CLSTN1: variants seen among roughly 807,000 people sequenced by gnomAD.
CLSTN1 encodes calsyntenin-1.
Under a neutral mutation model 108.3 loss-of-function variants are expected in CLSTN1, and 28 were observed. The ratio of observed to expected loss-of-function variants is 0.26; its 90% CI spans 0.19 to 0.35. The LOEUF (loss-of-function observed/expected upper bound fraction) is 0.35. CLSTN1 is among the 10% of genes least tolerant of loss of function. The probability of loss-of-function intolerance (pLI) is 1.00; values close to 1 mark genes in which losing one functional copy is unlikely to be tolerated. For missense variants in CLSTN1, 1,157 were observed against 1,302.6 expected (o/e 0.89, Z 1.72); for synonymous variants, 524 against 534.9 (o/e 0.98, Z 0.28).
intron 1 of CLSTN1, among the ~76,000 whole-genome samples, chr1:9,809,780 A>G (rs1290962080): frequency 1.3e-5 from 2 of 151,710 alleles, no homozygotes; most frequent in Non-Finnish European, 1.5e-5. Flanking sequence ...GGGTGCCTAT[A>G]ATCCCAGCTA....
intron 1 of CLSTN1, among the ~76,000 whole-genome samples, chr1:9,789,991 A>G (rs1653687127): frequency 6.6e-6 from 1 of 151,438 alleles, no homozygotes; most frequent in Non-Finnish European, 1.5e-5. Flanking sequence ...AAAATAAAGT[A>G]AAATAAATAA....
At chr1:9,751,984 A>G (rs967435260) in intron 4 of CLSTN1, among the ~76,000 whole-genome samples, 1 of 152,076 alleles carries the variant, frequency 6.6e-6, no homozygotes, top group Non-Finnish European at 1.5e-5. Flanking sequence ...TTTTTTGACA[A>G]TATGGGACAA....
intron 3 of CLSTN1, among the ~76,000 whole-genome samples, 153 bp from the exon 4 acceptor site, chr1:9,755,462 T>C (rs1295891944): frequency 6.6e-6 from 1 of 152,154 alleles, no homozygotes; most frequent in African/African-American, 2.4e-5. Flanking sequence ...AGGGGCACTG[T>C]GTTTTAAACA....
chr1:9,807,227 C>G lies in CLSTN1; in HGVS notation c.91+16416G>C, dbSNP rs114549985. On this transcript the variant is annotated intron_variant, in intron 1 of 18. Transcript: ENST00000377298. ...CTTACATGACCGAGACCTCATTGACCTAACAGCACCTGTCCACGTCACACA... is the reference window on the plus strand; with the variant it reads ...CTTACATGACCGAGACCTCATTGACGTAACAGCACCTGTCCACGTCACACA... Among the ~76,000 whole-genome samples, 1,373 of 152,218 alleles carry G rather than the reference C, an allele frequency of 9.0e-3. 18 individuals carry two copies. Among genetic ancestry groups the G allele is most frequent in the African/African-American group, 0.03 (1,257 of 41,534 alleles).
rs368464789 is a variant in CLSTN1, at chr1:9,796,847, GAA to G, written c.92-23455_92-23454del. Among the ~76,000 whole-genome samples, 627 of 152,250 alleles carry G rather than the reference GAA, an allele frequency of 4.1e-3. 6 individuals carry two copies. The highest frequency in any genetic ancestry group is 0.031 in the Middle Eastern group (9 of 294). The stretch of plus-strand genomic sequence containing the variant: ...TCTGTTCAACCATTACATCAAATTT[GAA>G]AATAACACGAAGCCAGAATGAACAG... On this transcript the variant is annotated intron_variant, in intron 1 of 18. Coordinates refer to ENST00000377298, the MANE Select transcript of CLSTN1 (RefSeq NM_001009566.3).
intron 1 of CLSTN1, among the ~76,000 whole-genome samples, chr1:9,798,007 T>C (rs925344197): frequency 5.3e-5 from 8 of 151,494 alleles, no homozygotes; most frequent in Admixed American, 2.6e-4. Context: ...GGCAGGAGAA[T>C]TGCTTTAACC....
Position 9,737,501 on chromosome 1 carries a change from C to A in CLSTN1, c.1573G>T (p.Ala525Ser), listed in dbSNP as rs1305878640. Residue 525 changes from alanine (A) to serine (S), a missense_variant, in exon 11 of 19, where the codon GCA (alanine) becomes TCA (serine). Coordinates refer to ENST00000377298, the MANE Select transcript of CLSTN1 (RefSeq NM_001009566.3). ...TGTAGGGAAAAAATCCAGCAACCTG[C>A]AGAGGCCACAGTCACAGGCTCAGTT... is the stretch of plus-strand genomic sequence containing the variant. The part of the protein sequence containing the change: ...NETEPVTVAS[A>S]GGDLHMTQFF... 1.2e-6 allele frequency: 2 copies of A among 1,613,590 alleles called. No individual in the cohort carries two copies. Among genetic ancestry groups the A allele is most frequent in the South Asian group, 1.1e-5 (1 of 91,070 alleles).
rs1252537170 is a variant in CLSTN1, at chr1:9,755,221, G to A, written c.333C>T (p.Arg111=). 15 of 1,613,992 alleles carry A rather than the reference G, an allele frequency of 9.3e-6. No homozygotes were observed. Among genetic ancestry groups the A allele is most frequent in the Non-Finnish European group, 7.6e-6 (9 of 1,180,012 alleles). The stretch of plus-strand genomic sequence containing the variant: ...GCTCACAGTCCAGTTTCTCTTTGGA[G>A]CGAATGACTCCCTCACCAGTGGATT... ...VDKSTGEGVI[R]SKEKLDCELQ... Residue 111 remains arginine (R), a synonymous_variant, in exon 4 of 19, where the codon CGC becomes CGT. Transcript: ENST00000377298.
At chr1:9,781,446 C>CT (rs766133785) in intron 1 of CLSTN1, among the ~76,000 whole-genome samples, 1,690 of 143,736 alleles carry the variant, frequency 0.012, 22 homozygotes, top group Middle Eastern at 0.033. Flanking sequence ...ACATCTTATT[C>CT]TTTTTTTTTT....
chr1:9,758,395 C>A lies in CLSTN1; in HGVS notation c.215-1885G>T, dbSNP rs145831260. ...GTGGTAGCATCTCAGCTCACTGCAA[C>A]CTCCACTTTCTGGGTTCAAGCGATT... is the stretch of plus-strand genomic sequence containing the variant. On this transcript the variant is annotated intron_variant, in intron 2 of 18. Transcript: ENST00000377298. Among the ~76,000 whole-genome samples the A allele has an allele frequency of 4.2e-3, 635 of 152,180 alleles. 12 individuals are homozygous for A. In the East Asian group the frequency reaches 0.043, roughly 10 times the overall value.
At chr1:9,806,092 C>A (rs2101292831) in intron 1 of CLSTN1, among the ~76,000 whole-genome samples, 1 of 151,856 alleles carries the variant, frequency 6.6e-6, no homozygotes, top group South Asian at 2.1e-4. Flanking sequence ...GAGTTCAAGA[C>A]CAGCCTGGCC....
intron 1 of CLSTN1, among the ~76,000 whole-genome samples, chr1:9,778,545 G>A (rs977215164): frequency 3.9e-5 from 6 of 152,046 alleles, no homozygotes; most frequent in African/African-American, 7.2e-5. Flanking sequence ...GACAACGCAC[G>A]AAACCAACAG....
In CLSTN1 at chr1:9,773,408, A is replaced by T. The variant is rs1330708912; in HGVS notation, c.92-14T>A. On this transcript the variant is annotated splice_polypyrimidine_tract_variant and intron_variant, in intron 1 of 18. Transcript: ENST00000377298. Reference sequence around the variant, plus strand: ...TGTGCTTGTTAACTGTGTTTAAAACAAGAGAAAAAAATAGACAAGGTTAGA... The same window carrying T: ...TGTGCTTGTTAACTGTGTTTAAAACTAGAGAAAAAAATAGACAAGGTTAGA... The T allele has an allele frequency of 1.9e-6, 3 of 1,581,408 alleles. No homozygotes were observed. The South Asian group carries it at 3.4e-5, about 18-fold the overall frequency.
chr1:9,787,285 C>T (rs1369065735), intron 1 of CLSTN1, among the ~76,000 whole-genome samples: 1 of 151,204 alleles, frequency 6.6e-6, no homozygotes, highest in Non-Finnish European at 1.5e-5. Flanking sequence ...TAAAACAGCC[C>T]CTGCCCTCTC....
Position 9,735,968 on chromosome 1 carries a change from C to A in CLSTN1, c.1651G>T (p.Asp551Tyr). The A allele has an allele frequency of 4.3e-6, 7 of 1,614,188 alleles. No homozygotes were observed. Among genetic ancestry groups the A allele is most frequent in the Non-Finnish European group, 5.9e-6 (7 of 1,180,034 alleles). Residue 551 changes from aspartate to tyrosine, a missense_variant, in exon 12 of 19, where the codon GAT (aspartate) becomes TAT (tyrosine). By Grantham distance (160) the Asp-to-Tyr change is radical (BLOSUM62 -3). Coordinates refer to ENST00000377298, the MANE Select transcript of CLSTN1 (RefSeq NM_001009566.3). ...GLTLRSGKLA[D>Y]KKVIDCLYTC... Reference sequence around the variant, plus strand: ...TACAGACAGTCGATCACCTTCTTATCCGCGAGTTTCCCGGAACGGAGAGTT... The same window carrying A: ...TACAGACAGTCGATCACCTTCTTATACGCGAGTTTCCCGGAACGGAGAGTT...
intron 1 of CLSTN1, among the ~76,000 whole-genome samples, chr1:9,805,852 G>A (rs1654481978): frequency 7.8e-6 from 1 of 128,938 alleles, no homozygotes; most frequent in African/African-American, 3.2e-5. Flanking sequence ...GGGTTACAGA[G>A]CAAGACTCTG....
At chr1:9,757,282 C>T (rs1393749915) in intron 2 of CLSTN1, among the ~76,000 whole-genome samples, 2 of 150,228 alleles carry the variant, frequency 1.3e-5, no homozygotes, top group Non-Finnish European at 3.0e-5. Flanking sequence ...TGCTCAGTCG[C>T]CCAGACTGGA....
intron 16 of CLSTN1, among the ~76,000 whole-genome samples, chr1:9,732,789 G>T (rs770618607): frequency 1.3e-5 from 2 of 152,238 alleles, no homozygotes; most frequent in Non-Finnish European, 2.9e-5. Flanking sequence ...GGGTCCCTGC[G>T]TGAGCCCCTC....
At chr1:9,802,746 G>A (rs1472877949) in intron 1 of CLSTN1, among the ~76,000 whole-genome samples, 1 of 151,764 alleles carries the variant, frequency 6.6e-6, no homozygotes, top group Non-Finnish European at 1.5e-5. Flanking sequence ...AAAATGGGCT[G>A]CCTGGGCTAA....
Sources: gnomAD v4.1 joint callset for allele counts (sites outside exome capture counted in the v4.1 genomes callset) on GRCh38, gnomAD v4.1.1 for gene constraint, MANE v1.5 for transcripts, NCBI Gene and HGNC (gene_info 2026-07-23, HGNC 2026-07-21) for gene names.